The following SULF2 variants were observed in gnomAD, a reference collection of about 807,000 sequenced individuals.
The protein encoded by SULF2 is extracellular sulfatase Sulf-2.
Under a neutral mutation model 107.7 loss-of-function variants are expected in SULF2, and 52 were observed. That is an observed-to-expected ratio of 0.48 (90% CI 0.39 to 0.61). The LOEUF (loss-of-function observed/expected upper bound fraction) is 0.61. Among genes scored for constraint, SULF2 ranks in the 20% least tolerant of loss-of-function variants. The probability of loss-of-function intolerance (pLI) is 0.00; values close to 1 mark genes in which losing one functional copy is unlikely to be tolerated. For synonymous variants in SULF2, 460 were observed against 464.3 expected, an observed-to-expected ratio of 0.99 and a Z score of 0.12; for missense variants, 993 against 1,177.3, an observed-to-expected ratio of 0.84 and a Z score of 2.29.
chr20:47,694,964 T>C lies in SULF2; in HGVS notation c.568-4669A>G, dbSNP rs1402055884. ...AACAAATAAGCCATGCATCCAGAGC[T>C]GGAGCCAAGGCCTTTGTATTTTTGG... On this transcript the variant is annotated intron_variant, in intron 4 of 20. Transcript: ENST00000688720. This position sits in a 1 kb window ranked among gnomAD's most constrained non-coding sequence, Gnocchi z 4.4. Among the ~76,000 whole-genome samples the C allele has an allele frequency of 6.6e-6, 1 of 152,234 alleles. No homozygotes were observed. The highest frequency in any genetic ancestry group is 1.5e-5 in the Non-Finnish European group (1 of 68,040).
At position 47,737,715 on chromosome 20, in the gene SULF2, A is replaced by AGGTTTC. The variant is rs529268821; in HGVS notation, c.176-779_176-774dup. 2.1e-5 allele frequency among the ~76,000 whole-genome samples: 3 copies of AGGTTTC among 139,560 alleles called. No individual in the cohort carries two copies. The East Asian group carries it at 6.7e-4, about 31-fold the overall frequency. 91.6% of individuals were successfully genotyped at this position (139,560 alleles called of 152,430 possible). On this transcript the variant is annotated intron_variant, in intron 2 of 20. Coordinates refer to ENST00000688720, the MANE Select transcript of SULF2 (RefSeq NM_001387048.1). Reference sequence around the variant, plus strand: ...AGTACTGATCATACCCCAGGCTTCGAGGTTTCGGTCATGCCTGCTCTTGTT... The same window carrying AGGTTTC: ...AGTACTGATCATACCCCAGGCTTCGAGGTTTCGGTTTCGGTCATGCCTGCTCTTGTT...
At chr20:47,752,758 A>G (rs936995098) in intron 2 of SULF2, among the ~76,000 whole-genome samples, 2 of 151,884 alleles carry the variant, frequency 1.3e-5, no homozygotes. Flanking sequence ...CTCAAAAAAT[A>G]TAAACAAATA....
chr20:47,744,519 G>C (rs6094804), intron 2 of SULF2, among the ~76,000 whole-genome samples: 2 of 152,184 alleles, frequency 1.3e-5, no homozygotes, highest in Non-Finnish European at 2.9e-5. Flanking sequence ...CGGGTCTGCA[G>C]GCCTGTCTGT....
At chr20:47,739,402 G>A (rs12106129) in intron 2 of SULF2, among the ~76,000 whole-genome samples, 2,354 of 152,198 alleles carry the variant, frequency 0.015, 51 homozygotes, top group African/African-American at 0.054. Flanking sequence ...CACCAAGGTC[G>A]TGCCCCTGAG....
At position 47,675,635 on chromosome 20, in the gene SULF2, G is replaced by T. The variant is rs776738261; in HGVS notation, c.1380+859C>A. Among the ~76,000 whole-genome samples, 81 of 152,226 alleles carry T rather than the reference G, an allele frequency of 5.3e-4. 2 individuals carry two copies. Among genetic ancestry groups the T allele is most frequent in the South Asian group, 1.9e-3 (9 of 4,820 alleles). On this transcript the variant is annotated intron_variant, in intron 10 of 20. Transcript: ENST00000688720. Reference sequence around the variant, plus strand: ...TTCTCATAGGTGAAACAGGCACACAGCTCCAGCCCCAGCTCAAAGTCCCAG... The same window carrying T: ...TTCTCATAGGTGAAACAGGCACACATCTCCAGCCCCAGCTCAAAGTCCCAG...
chr20:47,755,988 G>T (rs2090272896), intron 2 of SULF2, among the ~76,000 whole-genome samples: 1 of 151,772 alleles, frequency 6.6e-6, no homozygotes, highest in South Asian at 2.1e-4. Context: ...TCCTCACCTG[G>T]AATGAGCCTC....
rs563130644 is a variant in SULF2 at position 47,736,616 on chromosome 20, G to A, written c.415+87C>T. ...TCTAGGGGCTATCCAGAATCAACTTGGGTACCGCAGTGGTGTGCAGACCAC... is the reference window on the plus strand; with the variant it reads ...TCTAGGGGCTATCCAGAATCAACTTAGGTACCGCAGTGGTGTGCAGACCAC... On this transcript the variant is annotated intron_variant, in intron 3 of 20. Coordinates refer to ENST00000688720, the MANE Select transcript of SULF2 (RefSeq NM_001387048.1). The A allele has an allele frequency of 2.3e-3, 3,482 of 1,546,458 alleles. 12 individuals carry two copies. The highest frequency in any genetic ancestry group is 3.8e-3 in the South Asian group (314 of 83,248).
At chr20:47,692,145 G>C (rs750593862) in intron 4 of SULF2, among the ~76,000 whole-genome samples, 7 of 152,158 alleles carry the variant, frequency 4.6e-5, no homozygotes, top group Non-Finnish European at 7.3e-5. Context: ...CCCTCTGCTA[G>C]AAAGCAGCTC....
In SULF2 at chr20:47,663,551, A is replaced by T; in HGVS notation, c.2129T>A (p.Leu710Gln). ...GTCGTTGTTCTGCAGGCGCTTGAGC[A>T]GCTTGCGGAGTTTCTTCTTGCGCTT... is the stretch of plus-strand genomic sequence containing the variant. ...EQKRKKKLRK[L>Q]LKRLQNNDTC... The change falls in exon 16 of 21, where the codon CTG (leucine) becomes CAG (glutamine). Residue 710 changes from leucine (L) to glutamine (Q), a missense_variant. Physicochemically the swap from Leu to Gln is moderately radical, Grantham distance 113. Transcript: ENST00000688720. 6.2e-7 allele frequency: 1 copy of T among 1,612,388 alleles called. No homozygotes were observed.
At chr20:47,754,817 C>T (rs151044814) in intron 2 of SULF2, among the ~76,000 whole-genome samples, 3 of 152,314 alleles carry the variant, frequency 2.0e-5, no homozygotes, top group East Asian at 1.9e-4. Flanking sequence ...TAAGATCACG[C>T]GTTCTGGGTT....
intron 10 of SULF2, among the ~76,000 whole-genome samples, chr20:47,673,715 G>A (rs1295358642): frequency 6.6e-6 from 1 of 152,236 alleles, no homozygotes; most frequent in Non-Finnish European, 1.5e-5. Context: ...TGGGCCAGCA[G>A]GCATGGCCCT....
Position 47,690,230 on chromosome 20 carries a change from G to A in SULF2, c.633C>T (p.Tyr211=), listed in dbSNP as rs2088150521. ...VSFFRTSKKM[Y]PHRPVLMVIS... is the part of the protein sequence containing the mutation. ...TGACCATGAGGACTGGCCTGTGCGGGTACATCTTCTTGGACGTGCGGAAGA... is the reference window on the plus strand; with the variant it reads ...TGACCATGAGGACTGGCCTGTGCGGATACATCTTCTTGGACGTGCGGAAGA... Residue 211 remains tyrosine (Y), a synonymous_variant, in exon 5 of 21, where the codon TAC becomes TAT. Coordinates refer to ENST00000688720, the MANE Select transcript of SULF2 (RefSeq NM_001387048.1). The A allele has an allele frequency of 6.4e-7, 1 of 1,572,370 alleles. No homozygotes were observed. Among genetic ancestry groups the A allele is most frequent in the Non-Finnish European group, 8.7e-7 (1 of 1,155,850 alleles).
rs752744215 is a variant in SULF2, at chr20:47,663,556, G to A, written c.2124C>T (p.Arg708=). 1 of 1,612,386 alleles carries A rather than the reference G, an allele frequency of 6.2e-7. No individual in the cohort carries two copies. Among genetic ancestry groups the A allele is most frequent in the Admixed American group, 1.7e-5 (1 of 59,908 alleles). ...TGTTCTGCAGGCGCTTGAGCAGCTT[G>A]CGGAGTTTCTTCTTGCGCTTCTGCT... ...LREQKRKKKL[R]KLLKRLQNND... Residue 708 remains arginine (R), a synonymous_variant, in exon 16 of 21, where the codon CGC becomes CGT. Transcript: ENST00000688720.
chr20:47,737,045 A>AGG, intron 2 of SULF2, 103 bp from the exon 3 acceptor site: 1 of 1,536,396 alleles, frequency 6.5e-7, no homozygotes, highest in Non-Finnish European at 8.8e-7. Context: ...GAGTGGGCAC[A>AGG]TTCTGCAGAC....
intron 1 of SULF2, among the ~76,000 whole-genome samples, chr20:47,764,068 G>A (rs535943157): frequency 6.6e-6 from 1 of 152,228 alleles, no homozygotes; most frequent in South Asian, 2.1e-4. Context: ...CCCACCCCAG[G>A]GCCCTTGAAC....
At chr20:47,699,562 G>A (rs951883246) in intron 4 of SULF2, among the ~76,000 whole-genome samples, 26 of 152,076 alleles carry the variant, frequency 1.7e-4, no homozygotes, top group African/African-American at 4.8e-4. Context: ...CCAAGGTCAC[G>A]TAATATGTGT....
chr20:47,742,012 C>A (rs2089894754), intron 2 of SULF2, among the ~76,000 whole-genome samples: 1 of 152,220 alleles, frequency 6.6e-6, no homozygotes, highest in African/African-American at 2.4e-5. Context: ...CAGCACTCAC[C>A]CTTCCCAAAT....
chr20:47,733,139 A>G (rs2089653386), intron 3 of SULF2, among the ~76,000 whole-genome samples: 1 of 152,232 alleles, frequency 6.6e-6, no homozygotes, highest in South Asian at 2.1e-4. Context: ...AGATAGCTCA[A>G]AAAACACATG....
At chr20:47,665,072 TAATGCCATGA>T in intron 14 of SULF2, 117 bp downstream of exon 14, 1 of 728,450 alleles carries the variant, frequency 1.4e-6, no homozygotes. Flanking sequence ...CGGATTTTTT[TAATGCCATGA>T]GGGGAGAAGA....
Sources: allele counts gnomAD v4.1 joint callset (sites outside exome capture counted in the v4.1 genomes callset), GRCh38; gene constraint gnomAD v4.1.1; non-coding constraint Gnocchi (gnomAD v3.1); transcripts MANE v1.5; gene names NCBI Gene and HGNC (gene_info 2026-07-23, HGNC 2026-07-21).